The following COX11 variants were observed in gnomAD, a reference collection of about 807,000 sequenced individuals.
COX11 encodes cytochrome c oxidase assembly protein COX11, mitochondrial.
Under a neutral mutation model 29.4 loss-of-function variants are expected in COX11, and 18 were observed. The ratio of observed to expected loss-of-function variants is 0.61; its 90% CI spans 0.42 to 0.91. COX11 has a LOEUF of 0.91. Ranked by LOEUF, COX11 falls within the 40% of genes least tolerant of loss-of-function variation. The pLI, the probability that COX11 is intolerant of heterozygous loss-of-function variation, is 0.00. For missense variants in COX11, 312 were observed against 346.0 expected (o/e 0.90, Z 0.78); for synonymous variants, 131 against 124.0 (o/e 1.06, Z -0.38).
upstream of COX11, chr17:54,968,717 C>T (rs917171520): frequency 4.3e-5 from 66 of 1,522,380 alleles, no homozygotes; most frequent in Non-Finnish European, 5.2e-5. Context: ...TGCTCCGTCT[C>T]GCGAGATCTG....
chr17:54,962,673 AGATAG>A lies in COX11; in HGVS notation c.*55_*59del, dbSNP rs1302783363. 1 of 1,565,188 alleles carries A rather than the reference AGATAG, an allele frequency of 6.4e-7. No homozygotes were observed. Among genetic ancestry groups the A allele is most frequent in the Non-Finnish European group, 8.7e-7 (1 of 1,155,890 alleles). ...ATTGTACAATATTTCTCCTTTGAGA[AGATAG>A]GATATATGATTTTCCCAAAAATCAC... On this transcript the variant is annotated 3_prime_UTR_variant, in exon 4 of 4. Coordinates refer to ENST00000299335, the MANE Select transcript of COX11 (RefSeq NM_004375.5).
chr17:54,961,839 C>G lies in COX11; in HGVS notation c.*894G>C. 1 of 980,924 alleles carries G rather than the reference C, an allele frequency of 1.0e-6. No individual in the cohort carries two copies. The highest frequency in any genetic ancestry group is 1.2e-6 in the Non-Finnish European group (1 of 825,678). 60.8% of individuals were successfully genotyped at this position (980,924 alleles called of 1,614,324 possible). On this transcript the variant is annotated 3_prime_UTR_variant, in exon 4 of 4. Coordinates refer to ENST00000299335, the MANE Select transcript of COX11 (RefSeq NM_004375.5). ...CCTTTAAATATGATTCTTTGTAATG[C>G]TAAATAGCCTTTTTTTCTCTTTTTA...
rs145197312 is a variant in COX11, at chr17:54,964,847, A to G, written c.372T>C (p.Thr124=). The G allele has an allele frequency of 3.3e-3, 5,316 of 1,612,210 alleles. 17 individuals carry two copies. The highest frequency in any genetic ancestry group is 3.9e-3 in the Non-Finnish European group (4,609 of 1,179,744). Residue 124 remains threonine (T), a synonymous_variant, in exon 2 of 4, where the codon ACT becomes ACC. Coordinates refer to ENST00000299335, the MANE Select transcript of COX11 (RefSeq NM_004375.5). ...CTGCAACTGCTGATCCTCCAAGTCC[A>G]GTAGTCTAGAAAAAGATACCAAATA... ...VPLYRLYCQT[T]GLGGSAVAGH... is the part of the protein sequence containing the mutation.
chr17:54,960,227 T>C (rs1166859414), downstream of COX11, among the ~76,000 whole-genome samples: 2 of 151,970 alleles, frequency 1.3e-5, no homozygotes, highest in African/African-American at 2.4e-5. Flanking sequence ...TAGCTGGGCA[T>C]GGTTGTGTGT....
At chr17:54,968,218 G>A in intron 1 of COX11, 63 bp downstream of exon 1, 1 of 1,563,328 alleles carries the variant, frequency 6.4e-7, no homozygotes, top group Non-Finnish European at 8.6e-7. Flanking sequence ...GCTTGTCCCG[G>A]GATTTGTCTT....
Position 54,965,902 on chromosome 17 carries a change from A to G in COX11, c.367-1050T>C, listed in dbSNP as rs552109296. On this transcript the variant is annotated intron_variant, in intron 1 of 3. Transcript: ENST00000299335. ...GATACTTGAGGTTGCCAGAATTCTGATTTCTGGATAATTTGCCTGTTACTA... is the reference window on the plus strand; with the variant it reads ...GATACTTGAGGTTGCCAGAATTCTGGTTTCTGGATAATTTGCCTGTTACTA... 1.6e-4 allele frequency among the ~76,000 whole-genome samples: 25 copies of G among 152,212 alleles called. No individual in the cohort carries two copies. In the South Asian group the frequency reaches 3.3e-3, roughly 20 times the overall value.
chr17:54,968,353 G>T lies in COX11; in HGVS notation c.294C>A (p.Tyr98Ter). Reference sequence around the variant, plus strand: ...GCATGCCCACGGCGACAGCGGCCACGTAAGTGAGGGTCGTCTTGTTCTGCC... The same window carrying T: ...GCATGCCCACGGCGACAGCGGCCACTTAAGTGAGGGTCGTCTTGTTCTGCC... ...RRRQNKTTLT[Y>*]VAAVAVGMLG... is the part of the protein sequence containing the mutation. The change falls in exon 1 of 4, where the codon TAC becomes TAA. Residue 98 changes from tyrosine (Y) to a stop codon, truncating the protein, a stop_gained. Coordinates refer to ENST00000299335, the MANE Select transcript of COX11 (RefSeq NM_004375.5). LOFTEE classifies it high-confidence loss of function. The T allele has an allele frequency of 1.2e-6, 2 of 1,612,938 alleles. No homozygotes were observed. The highest frequency in any genetic ancestry group is 1.7e-6 in the Non-Finnish European group (2 of 1,179,936).
At position 54,963,290 on chromosome 17, in the gene COX11, T is replaced by A. The variant is rs758865292; in HGVS notation, c.648+16A>T. The A allele has an allele frequency of 6.2e-7, 1 of 1,605,536 alleles. No homozygotes were observed. The highest frequency in any genetic ancestry group is 1.1e-5 in the South Asian group (1 of 89,622). On this transcript the variant is annotated intron_variant, in intron 3 of 3. Transcript: ENST00000299335. ...GTATCTTTATCATATTCTGTAAAGT[T>A]TACACTTTGATGTACCTGTATTTTA...
At chr17:54,967,042 G>GCGCACACACACACACACA (rs1310473186) in intron 1 of COX11, among the ~76,000 whole-genome samples, 1 of 96,040 alleles carries the variant, frequency 1.0e-5, no homozygotes, top group African/African-American at 3.0e-5. Flanking sequence ...GCGCGCGCGC[G>GCGCACACACACACACACA]CACACACACA....
downstream of COX11, chr17:54,958,481 AGCACTTTGAGAGG>A (rs2077010128): frequency 6.6e-6 from 1 of 152,312 alleles, no homozygotes; most frequent in East Asian, 1.9e-4. Context: ...CTATAATCCC[AGCACTTTGAGAGG>A]CCAAGGCAGG....
chr17:54,964,196 T>C (rs1041325570), intron 2 of COX11, among the ~76,000 whole-genome samples: 6 of 152,218 alleles, frequency 3.9e-5, no homozygotes, highest in Admixed American at 3.3e-4. Context: ...CGTTTAGGTA[T>C]AGTCTCAGTC....
downstream of COX11, among the ~76,000 whole-genome samples, chr17:54,956,054 C>T (rs1339147152): frequency 6.6e-6 from 1 of 152,160 alleles, no homozygotes; most frequent in Non-Finnish European, 1.5e-5. Flanking sequence ...AGGGCTCAAC[C>T]CTGGGTCTCA....
Position 54,962,682 on chromosome 17 carries a change from A to G in COX11, c.*51T>C, listed in dbSNP as rs771439733. On this transcript the variant is annotated 3_prime_UTR_variant, in exon 4 of 4. Transcript: ENST00000299335. ...TATTTCTCCTTTGAGAAGATAGGAT[A>G]TATGATTTTCCCAAAAATCACAACT... 9.5e-6 allele frequency: 15 copies of G among 1,586,578 alleles called. No homozygotes were observed. The highest frequency in any genetic ancestry group is 1.2e-5 in the Non-Finnish European group (14 of 1,166,844).
downstream of COX11, chr17:54,957,342 T>G (rs187055905): frequency 6.6e-6 from 1 of 152,366 alleles, no homozygotes; most frequent in African/African-American, 2.4e-5. Flanking sequence ...TTCTGCCTGA[T>G]AGAGTAGATA....
At position 54,963,356 on chromosome 17, in the gene COX11, T is replaced by C; in HGVS notation, c.598A>G (p.Thr200Ala). The change falls in exon 3 of 4, where the codon ACA becomes GCA. Residue 200 changes from threonine to alanine, a missense_variant. Thr to Ala is a moderately conservative substitution (Grantham distance 58, BLOSUM62 0). Transcript: ENST00000299335. ...PTDKPVIGISTYNIVPFEAGQ... is the reference protein window; with the variant it reads ...PTDKPVIGISAYNIVPFEAGQ... ...GCTTCAAATGGAACAATATTGTATG[T>C]AGAAATTCCAATTACTGGTTTGTCA... 1.2e-6 allele frequency: 2 copies of C among 1,612,482 alleles called. No individual in the cohort carries two copies. The highest frequency in any genetic ancestry group is 1.7e-6 in the Non-Finnish European group (2 of 1,179,060).
chr17:54,958,730 CAAAAAAAA>C (rs61603848), downstream of COX11, among the ~76,000 whole-genome samples: 1 of 57,488 alleles, frequency 1.7e-5, no homozygotes, highest in Non-Finnish European at 4.7e-5. Flanking sequence ...AACTCCATCT[CAAAAAAAA>C]AAAAAAAAAA....
chr17:54,956,810 A>G (rs1457821454), downstream of COX11: 1 of 152,084 alleles, frequency 6.6e-6, no homozygotes, highest in Non-Finnish European at 1.5e-5. Flanking sequence ...CATAGTCTCC[A>G]AAGCAGGAAA....
chr17:54,960,471 C>A lies in COX11; in HGVS notation c.*2262G>T. On this transcript the variant is annotated 3_prime_UTR_variant, in exon 4 of 4. Transcript: ENST00000299335. ...TCATATGTAGCCTGAACTCCAAAAC[C>A]AGCTCAATTTTTAATTACAGTGCTG... is the stretch of plus-strand genomic sequence containing the variant. 2 of 878,200 alleles carry A rather than the reference C, an allele frequency of 2.3e-6. No homozygotes were observed. Among genetic ancestry groups the A allele is most frequent in the South Asian group, 1.4e-5 (1 of 73,490 alleles). 54.4% of individuals were successfully genotyped at this position (878,200 alleles called of 1,614,324 possible).
In COX11 at chr17:54,961,175, A is replaced by G; in HGVS notation, c.*1558T>C. The G allele has an allele frequency of 8.7e-7, 1 of 1,151,962 alleles. No homozygotes were observed. Among genetic ancestry groups the G allele is most frequent in the Non-Finnish European group, 1.3e-6 (1 of 784,626 alleles). 71.4% of individuals were successfully genotyped at this position (1,151,962 alleles called of 1,614,324 possible). ...TCCCAGTAAAGACAAGAGAGTTATC[A>G]AGGAATGGGGAAAGAGAAGGACAGG... On this transcript the variant is annotated 3_prime_UTR_variant, in exon 4 of 4. Coordinates refer to ENST00000299335, the MANE Select transcript of COX11 (RefSeq NM_004375.5).
Sources: gnomAD v4.1 joint callset for allele counts (sites outside exome capture counted in the v4.1 genomes callset) on GRCh38, gnomAD v4.1.1 for gene constraint, MANE v1.5 for transcripts, NCBI Gene and HGNC (gene_info 2026-07-23, HGNC 2026-07-21) for gene names.